Variants in FMN2 observed in about 807,000 individuals in gnomAD.
FMN2 encodes formin 2.
Under a neutral mutation model 142.3 loss-of-function variants are expected in FMN2, and 51 were observed. The ratio of observed to expected loss-of-function variants is 0.36; its 90% CI spans 0.29 to 0.45. The LOEUF (loss-of-function observed/expected upper bound fraction) is 0.45. Ranked by LOEUF, FMN2 falls within the 20% of genes least tolerant of loss-of-function variation. The pLI is 1.00. For missense variants in FMN2, 1,936 were observed against 2,122.8 expected (o/e 0.91, Z 1.73); for synonymous variants, 882 against 869.8 (o/e 1.01, Z -0.25).
At chr1:240,295,028 A>G (rs1172356853) in intron 8 of FMN2, 145 bp downstream of exon 8, 9 of 608,202 alleles carry the variant, frequency 1.5e-5, no homozygotes. Context: ...TGTTTGTTAC[A>G]ATACTTTCTA....
At chr1:240,468,492 C>T (rs2103243883) in intron 16 of FMN2, among the ~76,000 whole-genome samples, 1 of 152,146 alleles carries the variant, frequency 6.6e-6, no homozygotes, top group African/African-American at 2.4e-5. Flanking sequence ...TCTCTCAGGA[C>T]ACACTTCCCT....
At chr1:240,209,455 G>A (rs1167110202) in intron 5 of FMN2, among the ~76,000 whole-genome samples, 2 of 150,174 alleles carry the variant, frequency 1.3e-5, no homozygotes, top group Non-Finnish European at 3.0e-5. Flanking sequence ...GGGTTTCACC[G>A]TGTTAGCCAG....
intron 14 of FMN2, among the ~76,000 whole-genome samples, chr1:240,358,741 A>G (rs1246827124): frequency 6.6e-6 from 1 of 152,104 alleles, no homozygotes; most frequent in Non-Finnish European, 1.5e-5. Context: ...TGATTCAATT[A>G]CCTCCACCTC....
At chr1:240,277,515 G>C (rs1475036616) in intron 7 of FMN2, among the ~76,000 whole-genome samples, 1 of 130,396 alleles carries the variant, frequency 7.7e-6, no homozygotes, top group Admixed American at 8.2e-5. Context: ...TTAAGTACCT[G>C]CATCTTCTTC....
chr1:240,212,963 G>T (rs938763653), intron 6 of FMN2, among the ~76,000 whole-genome samples: 5 of 151,992 alleles, frequency 3.3e-5, no homozygotes, highest in African/African-American at 1.2e-4. Flanking sequence ...GTTTGTTTTT[G>T]TTTGTTTGTT....
At chr1:240,346,279 A>G (rs201815915) in intron 13 of FMN2, among the ~76,000 whole-genome samples, 1 of 152,074 alleles carries the variant, frequency 6.6e-6, no homozygotes, top group East Asian at 1.9e-4. Flanking sequence ...AATTAATAAT[A>G]ATAATAAAAA....
chr1:240,129,182 A>AT (rs977804129), intron 2 of FMN2, among the ~76,000 whole-genome samples: 12 of 150,678 alleles, frequency 8.0e-5, no homozygotes, highest in East Asian at 1.9e-4. Context: ...CCTTGAATTC[A>AT]TTTTTTTTTC....
chr1:240,467,273 G>A (rs964501896), intron 16 of FMN2, among the ~76,000 whole-genome samples: 5 of 111,952 alleles, frequency 4.5e-5, no homozygotes, highest in South Asian at 2.9e-4. Flanking sequence ...AAGTTAAATC[G>A]TTCCTTTTTT....
At chr1:240,465,598 C>A (rs1337353356) in intron 16 of FMN2, among the ~76,000 whole-genome samples, 1 of 152,194 alleles carries the variant, frequency 6.6e-6, no homozygotes, top group Non-Finnish European at 1.5e-5. Flanking sequence ...CACTTAACCT[C>A]TCCCATGCTG....
At chr1:240,334,316 A>C in intron 13 of FMN2, 87 bp downstream of exon 13, 1 of 1,378,552 alleles carries the variant, frequency 7.3e-7, no homozygotes. Flanking sequence ...GAGAAAAGTA[A>C]TCTTTTTTAT....
intron 6 of FMN2, among the ~76,000 whole-genome samples, chr1:240,226,021 G>T (rs900411629): frequency 1.3e-5 from 2 of 151,952 alleles, no homozygotes; most frequent in African/African-American, 4.8e-5. Flanking sequence ...ACACAGAAAA[G>T]AATGAAAAAA....
intron 13 of FMN2, among the ~76,000 whole-genome samples, chr1:240,334,852 G>A (rs2103020539): frequency 6.6e-6 from 1 of 152,056 alleles, no homozygotes; most frequent in South Asian, 2.1e-4. Flanking sequence ...TTCTTATTGA[G>A]TTGCGAACAC....
Position 240,386,307 on chromosome 1 carries a change from A to G in FMN2, c.4859-6204A>G, listed in dbSNP as rs544462090. On this transcript the variant is annotated intron_variant, in intron 14 of 17. Coordinates refer to ENST00000319653, the MANE Select transcript of FMN2 (RefSeq NM_020066.5). ...CCCATACTGGCTGCACTTAAAAGCA[A>G]CTGGAATGCACATTCATAGCTAATT... 4.6e-5 allele frequency among the ~76,000 whole-genome samples: 7 copies of G among 152,332 alleles called. No individual in the cohort carries two copies. The South Asian group carries it at 1.4e-3, about 32-fold the overall frequency.
chr1:240,377,369 G>A (rs1249187806), intron 14 of FMN2, among the ~76,000 whole-genome samples: 1 of 150,756 alleles, frequency 6.6e-6, no homozygotes, highest in African/African-American at 2.4e-5. Context: ...TGTTTGCATA[G>A]TTTCTGACAA....
intron 11 of FMN2, among the ~76,000 whole-genome samples, chr1:240,333,043 G>A (rs978347427): frequency 7.2e-5 from 11 of 152,082 alleles, no homozygotes; most frequent in South Asian, 2.1e-4. Context: ...AGAAAAAATC[G>A]TGGTTATATT....
At chr1:240,271,034 AC>A (rs200976727) in intron 7 of FMN2, among the ~76,000 whole-genome samples, 2,334 of 151,172 alleles carry the variant, frequency 0.015, 60 homozygotes, top group African/African-American at 0.054. Context: ...TAATTAAAGC[AC>A]AAGAACACTT....
intron 6 of FMN2, among the ~76,000 whole-genome samples, chr1:240,254,065 A>C (rs1668367839): frequency 6.6e-6 from 1 of 152,106 alleles, no homozygotes; most frequent in South Asian, 2.1e-4. Flanking sequence ...TAGCAGGTTC[A>C]GTCAGGCCAG....
At chr1:240,186,311 T>A (rs1188664546) in intron 3 of FMN2, among the ~76,000 whole-genome samples, 2 of 152,184 alleles carry the variant, frequency 1.3e-5, no homozygotes, top group African/African-American at 4.8e-5. Context: ...ATTCTTTCAT[T>A]CACTCCTACA....
intron 16 of FMN2, among the ~76,000 whole-genome samples, chr1:240,462,952 C>A (rs764026955): frequency 4.4e-4 from 67 of 152,110 alleles, no homozygotes; most frequent in Non-Finnish European, 7.5e-4. Flanking sequence ...AGTAGGCAGT[C>A]CCAGGGGAAC....
Sources: allele counts gnomAD v4.1 joint callset (sites outside exome capture counted in the v4.1 genomes callset), GRCh38; gene constraint gnomAD v4.1.1; transcripts MANE v1.5; gene names NCBI Gene and HGNC (gene_info 2026-07-23, HGNC 2026-07-21).